WDR31: variants seen among roughly 807,000 people sequenced by gnomAD.
The protein encoded by WDR31 is WD repeat domain 31.
Under a neutral mutation model 47.3 loss-of-function variants are expected in WDR31, and 30 were observed. The ratio of observed to expected loss-of-function variants is 0.63; its 90% CI spans 0.47 to 0.86. The LOEUF (loss-of-function observed/expected upper bound fraction) is 0.86, where lower values mean the gene tolerates loss of function less well. WDR31 is among the 40% of genes least tolerant of loss of function. The probability of loss-of-function intolerance (pLI) is 0.00; values close to 1 mark genes in which losing one functional copy is unlikely to be tolerated. For missense variants in WDR31, 406 were observed against 442.9 expected (o/e 0.92, Z 0.75); for synonymous variants, 137 against 159.4 (o/e 0.86, Z 1.06).
intron 10 of WDR31, among the ~76,000 whole-genome samples, 178 bp from the exon 11 acceptor site, chr9:113,317,087 A>G (rs1157146732): frequency 1.3e-5 from 2 of 152,226 alleles, no homozygotes; most frequent in African/African-American, 4.8e-5. Flanking sequence ...GGCCAACTCC[A>G]TGACTTCAAT....
intron 3 of WDR31, 46 bp from the exon 4 acceptor site, chr9:113,331,162 ATGGGGGTGGGG>A: frequency 2.1e-5 from 4 of 191,910 alleles, no homozygotes; most frequent in Non-Finnish European, 4.1e-5. Flanking sequence ...ATGGGAGTGG[ATGGGGGTGGGG>A]TGGGGTGGGG....
At chr9:113,326,102 G>A (rs994962579) in intron 5 of WDR31, among the ~76,000 whole-genome samples, 3 of 152,040 alleles carry the variant, frequency 2.0e-5, no homozygotes, top group South Asian at 2.1e-4. Flanking sequence ...GTAGAGACGG[G>A]GTTTCTCCAT....
intron 9 of WDR31, 61 bp downstream of exon 9, chr9:113,320,296 G>A: frequency 1.3e-6 from 2 of 1,593,004 alleles, no homozygotes; most frequent in Non-Finnish European, 1.7e-6. Flanking sequence ...ACAGGCATGA[G>A]GCCAGAGTAA....
intron 1 of WDR31, among the ~76,000 whole-genome samples, chr9:113,339,055 A>G (rs1167661850): frequency 1.3e-5 from 2 of 152,182 alleles, no homozygotes; most frequent in Non-Finnish European, 2.9e-5. Flanking sequence ...GGGAAAATCT[A>G]CAGATTCAGT....
intron 4 of WDR31, among the ~76,000 whole-genome samples, chr9:113,329,879 G>A (rs192364854): frequency 3.3e-5 from 5 of 152,010 alleles, no homozygotes; most frequent in Admixed American, 1.3e-4. Flanking sequence ...TACTTGGGAA[G>A]CTGAGGCTGG....
intron 10 of WDR31, 22 bp downstream of exon 10, chr9:113,318,453 G>A: frequency 2.5e-6 from 4 of 1,613,950 alleles, no homozygotes; most frequent in Non-Finnish European, 3.4e-6. Flanking sequence ...CTTTTGAGGA[G>A]AACTAACAGC....
rs752021232 is a variant in WDR31 at position 113,316,735 on chromosome 9, AG to A, written c.*13del. On this transcript the variant is annotated 3_prime_UTR_variant, in exon 11 of 11. Transcript: ENST00000374193. ...AGCCATGGTTTGATATTGTCCAGTG[AG>A]TGTCTCTTGGCCTCAGAATGCTGCC... 1 of 1,611,538 alleles carries A rather than the reference AG, an allele frequency of 6.2e-7. No individual in the cohort carries two copies.
chr9:113,325,639 A>G (rs2118811305), intron 5 of WDR31, among the ~76,000 whole-genome samples: 1 of 151,874 alleles, frequency 6.6e-6, no homozygotes, highest in Non-Finnish European at 1.5e-5. Flanking sequence ...AATTAGCACA[A>G]TTATATTACT....
rs908264170 is a variant in WDR31, at chr9:113,315,574, C to G, written c.*1175G>C. The G allele has an allele frequency of 3.9e-5, 6 of 152,232 alleles. No homozygotes were observed. Among genetic ancestry groups the G allele is most frequent in the Non-Finnish European group, 5.9e-5 (4 of 68,072 alleles). The allele number at this position is 152,232 out of a possible 1,614,324, so 9.4% of individuals were successfully genotyped here. On this transcript the variant is annotated 3_prime_UTR_variant, in exon 11 of 11. Coordinates refer to ENST00000374193, the MANE Select transcript of WDR31 (RefSeq NM_001012361.4). Reference sequence around the variant, plus strand: ...GTCTGACTCCTGGGGGCCACACAGGCAGGCCTGAGCACCTTGCCCCTCCTC... The same window carrying G: ...GTCTGACTCCTGGGGGCCACACAGGGAGGCCTGAGCACCTTGCCCCTCCTC...
chr9:113,334,462 T>C (rs1394302161), intron 2 of WDR31, among the ~76,000 whole-genome samples: 1 of 152,136 alleles, frequency 6.6e-6, no homozygotes, highest in Non-Finnish European at 1.5e-5. Flanking sequence ...TAATATGCAA[T>C]AGGTTTATTG....
At chr9:113,323,888 C>G (rs995166373) in intron 5 of WDR31, among the ~76,000 whole-genome samples, 4 of 152,202 alleles carry the variant, frequency 2.6e-5, no homozygotes, top group African/African-American at 9.7e-5. Flanking sequence ...AAGTGAATCT[C>G]TGTTCCATTT....
chr9:113,328,883 T>C lies in WDR31; in HGVS notation c.322A>G (p.Lys108Glu), dbSNP rs199992153. The C allele has an allele frequency of 8.5e-5, 137 of 1,612,978 alleles. No individual in the cohort carries two copies. In the East Asian group the frequency reaches 3.1e-3, roughly 36 times the overall value. ...CATAATAATCATTTGAAAATTACCT[T>C]GGTGATCTCATGTTCATGTCCTTTG... ...RFKGHEHEIT[K>E]VACIPKSSQF... Residue 108 changes from lysine to glutamate, a missense_variant and splice_region_variant, in exon 5 of 11, where the codon AAG (lysine) becomes GAG (glutamate). Coordinates refer to ENST00000374193, the MANE Select transcript of WDR31 (RefSeq NM_001012361.4).
At chr9:113,330,632 A>G (rs1244266535) in intron 4 of WDR31, among the ~76,000 whole-genome samples, 1 of 152,226 alleles carries the variant, frequency 6.6e-6, no homozygotes, top group Non-Finnish European at 1.5e-5. Flanking sequence ...TAGGTGTAAC[A>G]TGGGATTGGT....
In WDR31 at chr9:113,321,549, T is replaced by C. The variant is rs370066924; in HGVS notation, c.600A>G (p.Glu200=). 27 of 1,614,054 alleles carry C rather than the reference T, an allele frequency of 1.7e-5. No homozygotes were observed. The highest frequency in any genetic ancestry group is 2.7e-5 in the African/African-American group (2 of 74,922). Residue 200 remains glutamate (E), a synonymous_variant, in exon 8 of 11, where the codon GAA becomes GAG. Coordinates refer to ENST00000374193, the MANE Select transcript of WDR31 (RefSeq NM_001012361.4). ...VVTHLCWVPR[E]PYILQTSEDK... ...CTTCAGAGGTCTGTAGTATGTATGG[T>C]TCTCTGGGGACCCAGCACAGGTGAG...
At chr9:113,332,578 A>T (rs561872591) in intron 2 of WDR31, among the ~76,000 whole-genome samples, 4 of 152,378 alleles carry the variant, frequency 2.6e-5, no homozygotes, top group Non-Finnish European at 5.9e-5. Flanking sequence ...TATGTATGCG[A>T]AATATCCATA....
At chr9:113,334,443 GT>G (rs1833673242) in intron 2 of WDR31, among the ~76,000 whole-genome samples, 1 of 151,944 alleles carries the variant, frequency 6.6e-6, no homozygotes, top group Non-Finnish European at 1.5e-5. Flanking sequence ...ATAAAATGAT[GT>G]TTTATGTTAA....
chr9:113,318,507 C>T lies in WDR31; in HGVS notation c.911G>A (p.Cys304Tyr), dbSNP rs2118771249. ...MPLIATSSHD[C>Y]KVKIWNQDTG... is the part of the protein sequence containing the mutation. ...ATCTTGGTTCCAAATCTTCACCTTG[C>T]AATCATGTGATGAGGTAGCAATTAA... is the stretch of plus-strand genomic sequence containing the variant. The change falls in exon 10 of 11, where the codon TGC becomes TAC. Residue 304 changes from cysteine to tyrosine, a missense_variant. Transcript: ENST00000374193. The T allele has an allele frequency of 6.2e-7, 1 of 1,614,210 alleles. No homozygotes were observed. Among genetic ancestry groups the T allele is most frequent in the African/African-American group, 1.3e-5 (1 of 75,046 alleles).
chr9:113,330,925 A>AAAATATCTTCCTTTCC (rs1330523608), intron 4 of WDR31, 59 bp downstream of exon 4: 42 of 1,526,118 alleles, frequency 2.8e-5, no homozygotes, highest in Middle Eastern at 1.8e-4. Flanking sequence ...ACTTCCTTTC[A>AAAATATCTTCCTTTCC]AAATATCTTC....
chr9:113,338,738 C>G (rs1488099291), intron 1 of WDR31, among the ~76,000 whole-genome samples: 1 of 151,972 alleles, frequency 6.6e-6, no homozygotes, highest in African/African-American at 2.4e-5. Context: ...CCAGCCTCAG[C>G]TTCCTGAGTA....
Sources: allele counts gnomAD v4.1 joint callset (sites outside exome capture counted in the v4.1 genomes callset), GRCh38; gene constraint gnomAD v4.1.1; transcripts MANE v1.5; gene names NCBI Gene and HGNC (gene_info 2026-07-23, HGNC 2026-07-21).